Variants in MYO1E observed in about 807,000 individuals in gnomAD.
MYO1E encodes the protein unconventional myosin-Ie.
A neutral mutation model predicts 151.1 loss-of-function variants in MYO1E; 68 were observed. The ratio of observed to expected loss-of-function variants is 0.45; its 90% CI spans 0.37 to 0.55. MYO1E has a LOEUF of 0.55. MYO1E is among the 20% of genes least tolerant of loss of function. MYO1E has a pLI of 0.00. For missense variants in MYO1E, 1,363 were observed against 1,389.3 expected, an observed-to-expected ratio of 0.98 and a Z score of 0.30; for synonymous variants, 601 against 501.7, an observed-to-expected ratio of 1.20 and a Z score of -2.64.
chr15:59,266,491 CA>C (rs1271355795), intron 2 of MYO1E, among the ~76,000 whole-genome samples: 3 of 151,734 alleles, frequency 2.0e-5, no homozygotes, highest in African/African-American at 7.3e-5. Flanking sequence ...GCAAGAATGA[CA>C]AAAAAACAAA....
chr15:59,193,634 C>G (rs1269271455), intron 17 of MYO1E, among the ~76,000 whole-genome samples: 1 of 152,146 alleles, frequency 6.6e-6, no homozygotes, highest in Non-Finnish European at 1.5e-5. Context: ...TCACCTCGAA[C>G]TAACAGAAAA....
intron 12 of MYO1E, among the ~76,000 whole-genome samples, chr15:59,212,964 G>C (rs557342802): frequency 7.5e-4 from 114 of 152,194 alleles, no homozygotes; most frequent in African/African-American, 2.6e-3. Context: ...TGAGGAGGAG[G>C]AGGAGTGTGG....
chr15:59,306,171 C>G (rs2080513578), intron 1 of MYO1E, among the ~76,000 whole-genome samples: 1 of 152,146 alleles, frequency 6.6e-6, no homozygotes, highest in South Asian at 2.1e-4. Flanking sequence ...GCAATTAAAT[C>G]CCTTTGCAAT....
intron 1 of MYO1E, among the ~76,000 whole-genome samples, chr15:59,360,273 T>C (rs1456356711): frequency 1.3e-5 from 2 of 152,038 alleles, no homozygotes; most frequent in African/African-American, 2.4e-5. Context: ...GATAGCAAAA[T>C]CTGTGGCTCA....
intron 16 of MYO1E, among the ~76,000 whole-genome samples, chr15:59,196,277 C>G (rs970198565): frequency 6.6e-6 from 1 of 152,072 alleles, no homozygotes; most frequent in African/African-American, 2.4e-5. Flanking sequence ...ACTGGGTACT[C>G]AAAGTAGAAC....
intron 8 of MYO1E, 52 bp from the exon 9 acceptor site, chr15:59,223,243 G>C: frequency 6.2e-7 from 1 of 1,610,870 alleles, no homozygotes; most frequent in Non-Finnish European, 8.5e-7. Flanking sequence ...AGCTTTAAAA[G>C]CACCTTAGGA....
chr15:59,283,936 G>A (rs938689978), intron 1 of MYO1E, among the ~76,000 whole-genome samples: 2 of 152,168 alleles, frequency 1.3e-5, no homozygotes, highest in Non-Finnish European at 2.9e-5. Flanking sequence ...ACACCACCAA[G>A]TACTTGTATT....
At chr15:59,247,594 C>T (rs1384427487) in intron 4 of MYO1E, among the ~76,000 whole-genome samples, 1 of 152,238 alleles carries the variant, frequency 6.6e-6, no homozygotes, top group African/African-American at 2.4e-5. Flanking sequence ...GTCTATCTTG[C>T]GGGGTCTGAT....
Position 59,138,417 on chromosome 15 carries a change from G to A in MYO1E, c.3081-50C>T, listed in dbSNP as rs1243619593. On this transcript the variant is annotated intron_variant, in intron 26 of 27. Coordinates refer to ENST00000288235, the MANE Select transcript of MYO1E (RefSeq NM_004998.4). ...GACTGGGCCCCAACAGGGGGCAGCA[G>A]CACCGAACGGTGGTTTGGAGCATGG... 5.0e-6 allele frequency: 8 copies of A among 1,600,388 alleles called. No individual in the cohort carries two copies. In the African/African-American group the frequency reaches 1.1e-4, roughly 21 times the overall value.
chr15:59,214,813 C>CA (rs1271013394), intron 10 of MYO1E, 93 bp from the exon 11 acceptor site: 1 of 931,792 alleles, frequency 1.1e-6, no homozygotes, highest in Non-Finnish European at 1.8e-6. Flanking sequence ...TTCTACACGG[C>CA]AAACACTACT....
intron 22 of MYO1E, among the ~76,000 whole-genome samples, chr15:59,167,276 C>T (rs993095767): frequency 6.6e-6 from 1 of 152,222 alleles, no homozygotes; most frequent in South Asian, 2.1e-4. Context: ...AATCTATTAA[C>T]CCAGACAGAC....
rs56164138 is a variant in MYO1E, at chr15:59,236,369, T to TACAC, written c.420+212_420+215dup. On this transcript the variant is annotated intron_variant, in intron 5 of 27. Transcript: ENST00000288235. ...TCAAAAAAGAAAAAAAAAAAATATA[T>TACAC]ACACACACACACACACACACACACA... Among the ~76,000 whole-genome samples, 105 of 117,706 alleles carry TACAC rather than the reference T, an allele frequency of 8.9e-4. 2 individuals carry two copies. The highest frequency in any genetic ancestry group is 3.1e-3 in the African/African-American group (95 of 30,930). The allele number at this position is 117,706 out of a possible 152,430, so 77.2% of individuals were successfully genotyped here.
At chr15:59,337,026 T>A (rs968614355) in intron 1 of MYO1E, among the ~76,000 whole-genome samples, 22 of 150,896 alleles carry the variant, frequency 1.5e-4, no homozygotes, top group Non-Finnish European at 2.2e-4. Context: ...CTCCTAGTTT[T>A]AAAAAAAAAA....
At chr15:59,370,625 A>G (rs2080939127) in intron 1 of MYO1E, among the ~76,000 whole-genome samples, 2 of 152,196 alleles carry the variant, frequency 1.3e-5, no homozygotes, top group African/African-American at 4.8e-5. Flanking sequence ...TCCCTACAGC[A>G]TGCCTTCTTC....
intron 16 of MYO1E, among the ~76,000 whole-genome samples, chr15:59,195,874 T>A (rs1248937339): frequency 6.6e-6 from 1 of 152,176 alleles, no homozygotes; most frequent in Non-Finnish European, 1.5e-5. Flanking sequence ...ACATACAAAA[T>A]GATTTTCAGG....
rs1393704188 is a variant in MYO1E at position 59,231,756 on chromosome 15, C to T, written c.456G>A (p.Leu152=). The T allele has an allele frequency of 6.2e-7, 1 of 1,614,204 alleles. No homozygotes were observed. Among genetic ancestry groups the T allele is most frequent in the African/African-American group, 1.3e-5 (1 of 75,058 alleles). The change falls in exon 6 of 28, where the codon CTG becomes CTA. Residue 152 remains leucine (L), a synonymous_variant. Transcript: ENST00000288235. Reference sequence around the variant, plus strand: ...TCTTGGCGTTCCCGAAGGCCTCCAGCAGCGGGTTGGACTGCAGGATAATGT... The same window carrying T: ...TCTTGGCGTTCCCGAAGGCCTCCAGTAGCGGGTTGGACTGCAGGATAATGT... ...VKDIILQSNP[L]LEAFGNAKTV... is the part of the protein sequence containing the mutation.
intron 2 of MYO1E, among the ~76,000 whole-genome samples, chr15:59,269,925 A>C (rs2080279478): frequency 1.3e-5 from 2 of 152,158 alleles, no homozygotes; most frequent in South Asian, 4.1e-4. Flanking sequence ...AAAGGGCCAG[A>C]AAGTAAATAT....
intron 26 of MYO1E, among the ~76,000 whole-genome samples, chr15:59,142,586 C>T (rs1182763891): frequency 6.6e-6 from 1 of 152,260 alleles, no homozygotes; most frequent in Non-Finnish European, 1.5e-5. Flanking sequence ...TATTAGTTCG[C>T]CCCATCCTCA....
At chr15:59,273,695 T>C (rs1185208006) in intron 1 of MYO1E, among the ~76,000 whole-genome samples, 1 of 151,876 alleles carries the variant, frequency 6.6e-6, no homozygotes, top group Non-Finnish European at 1.5e-5. Context: ...ACATTCATTA[T>C]AATCTACACT....
Sources: allele counts gnomAD v4.1 joint callset (sites outside exome capture counted in the v4.1 genomes callset), GRCh38; gene constraint gnomAD v4.1.1; transcripts MANE v1.5; gene names NCBI Gene and HGNC (gene_info 2026-07-23, HGNC 2026-07-21).